TPRG1: variants seen among roughly 807,000 people sequenced by gnomAD.
The protein encoded by TPRG1 is tumor protein p63 regulated 1.
A neutral mutation model predicts 29.3 loss-of-function variants in TPRG1; 29 were observed. The ratio of observed to expected loss-of-function variants is 0.99; its 90% CI spans 0.74 to 1.35. The LOEUF (loss-of-function observed/expected upper bound fraction) is 1.35, where lower values mean the gene tolerates loss of function less well. TPRG1 is among the 40% of genes most tolerant of loss of function. The pLI, the probability that TPRG1 is intolerant of heterozygous loss-of-function variation, is 0.00. For synonymous variants in TPRG1, 130 were observed against 116.8 expected, an observed-to-expected ratio of 1.11 and a Z score of -0.73; for missense variants, 327 against 335.0, an observed-to-expected ratio of 0.98 and a Z score of 0.19.
chr3:189,229,294 C>CAAA (rs35836287), intron 3 of TPRG1, among the ~76,000 whole-genome samples: 38 of 146,996 alleles, frequency 2.6e-4, no homozygotes, highest in African/African-American at 8.7e-4. Flanking sequence ...GTGGAAAGAC[C>CAAA]AAAAAAAAAA....
At chr3:189,031,333 T>G (rs1256845102) in intron 4 of TPRG1, among the ~76,000 whole-genome samples, 1 of 151,708 alleles carries the variant, frequency 6.6e-6, no homozygotes, top group Non-Finnish European at 1.5e-5. Flanking sequence ...GAAAACCGTG[T>G]AAGGTTGAAA....
At chr3:189,034,940 T>C (rs978245083) in intron 4 of TPRG1, among the ~76,000 whole-genome samples, 5 of 152,268 alleles carry the variant, frequency 3.3e-5, no homozygotes, top group African/African-American at 1.2e-4. Flanking sequence ...AAAACTATTC[T>C]AAAATTTGTG....
At chr3:189,146,210 G>A (rs1380286111) in intron 3 of TPRG1, among the ~76,000 whole-genome samples, 1 of 152,182 alleles carries the variant, frequency 6.6e-6, no homozygotes, top group Non-Finnish European at 1.5e-5. Context: ...TTAAAGCTTT[G>A]TTTATGCATT....
intron 1 of TPRG1, among the ~76,000 whole-genome samples, chr3:189,192,003 G>C (rs1052824484): frequency 6.6e-6 from 1 of 152,174 alleles, no homozygotes; most frequent in Non-Finnish European, 1.5e-5. Flanking sequence ...AAGGCTTACA[G>C]ATTTTGTGGG....
intron 2 of TPRG1, among the ~76,000 whole-genome samples, chr3:189,208,469 G>C (rs1201586362): frequency 1.3e-5 from 2 of 152,094 alleles, no homozygotes; most frequent in Non-Finnish European, 2.9e-5. Flanking sequence ...TTGGGGCCAG[G>C]GTTTTGTGAC....
At chr3:189,288,489 C>T (rs1002412751) in intron 4 of TPRG1, among the ~76,000 whole-genome samples, 1 of 152,212 alleles carries the variant, frequency 6.6e-6, no homozygotes, top group Admixed American at 6.5e-5. Flanking sequence ...AGGTGCAAAC[C>T]TGATCAATAT....
chr3:189,149,349 T>C (rs1264433757), intron 4 of TPRG1, among the ~76,000 whole-genome samples: 1 of 152,216 alleles, frequency 6.6e-6, no homozygotes, highest in African/African-American at 2.4e-5. Flanking sequence ...GAGAAGTTGT[T>C]TGATCTTACT....
chr3:189,216,832 G>A (rs1736144482), intron 3 of TPRG1, among the ~76,000 whole-genome samples: 2 of 152,128 alleles, frequency 1.3e-5, no homozygotes, highest in Admixed American at 6.5e-5. Context: ...CATCCATTGT[G>A]ATATTTGACT....
At chr3:189,027,014 T>C (rs556677786) in intron 4 of TPRG1, among the ~76,000 whole-genome samples, 4 of 152,328 alleles carry the variant, frequency 2.6e-5, no homozygotes, top group African/African-American at 7.2e-5. Context: ...TAAAATGTGC[T>C]GATCAATGTG....
At chr3:189,169,534 G>A (rs1247603399), upstream of TPRG1, among the ~76,000 whole-genome samples, 3 of 152,162 alleles carry the variant, frequency 2.0e-5, no homozygotes, top group Non-Finnish European at 4.4e-5. Flanking sequence ...AGGCCAATCT[G>A]GTAAAAATTA....
At chr3:189,312,414 C>T (rs1339315404) in intron 5 of TPRG1, among the ~76,000 whole-genome samples, 1 of 150,524 alleles carries the variant, frequency 6.6e-6, no homozygotes. Flanking sequence ...CATTTTCCTG[C>T]TTTAAAGGAC....
intron 1 of TPRG1, among the ~76,000 whole-genome samples, chr3:189,100,594 G>A (rs1719077664): frequency 6.6e-6 from 1 of 152,192 alleles, no homozygotes; most frequent in Admixed American, 6.5e-5. Flanking sequence ...TTTGCAAATA[G>A]TAACTCGTTT....
At chr3:189,235,933 C>G (rs563283355) in intron 3 of TPRG1, among the ~76,000 whole-genome samples, 1 of 152,264 alleles carries the variant, frequency 6.6e-6, no homozygotes, top group African/African-American at 2.4e-5. Context: ...ATTCAAGGAC[C>G]TTGTAAACCT....
chr3:189,220,226 A>G (rs531492315), intron 3 of TPRG1, among the ~76,000 whole-genome samples: 2 of 152,152 alleles, frequency 1.3e-5, no homozygotes, highest in Non-Finnish European at 2.9e-5. Flanking sequence ...TAGGTCCTTT[A>G]GTTCATTAGA....
At chr3:189,139,386 C>T (rs1294870613) in intron 3 of TPRG1, among the ~76,000 whole-genome samples, 1 of 152,126 alleles carries the variant, frequency 6.6e-6, no homozygotes, top group African/African-American at 2.4e-5. Context: ...GGGAAGCTCT[C>T]CTCCATCACC....
intron 5 of TPRG1, among the ~76,000 whole-genome samples, chr3:189,311,792 T>C (rs1200321778): frequency 6.6e-6 from 1 of 152,056 alleles, no homozygotes; most frequent in Non-Finnish European, 1.5e-5. Flanking sequence ...AACCCAAGCC[T>C]CAGCATCAGC....
intron 4 of TPRG1, among the ~76,000 whole-genome samples, chr3:189,243,783 T>C (rs1333247676): frequency 6.6e-6 from 1 of 152,236 alleles, no homozygotes; most frequent in African/African-American, 2.4e-5. Flanking sequence ...AGAGGCACAG[T>C]GCAGCCAAGT....
chr3:189,310,676 T>C, intron 5 of TPRG1, 137 bp downstream of exon 5: 1 of 437,740 alleles, frequency 2.3e-6, no homozygotes. Flanking sequence ...AAACCAGCAA[T>C]TTATATAGAC....
chr3:189,017,206 T>G (rs1342027049), intron 3 of TPRG1, among the ~76,000 whole-genome samples: 1 of 916 alleles, frequency 1.1e-3, no homozygotes, highest in Non-Finnish European at 0.17. Flanking sequence ...TCTGAGATTC[T>G]TTTTTTTTTT....
Sources: gnomAD v4.1 joint callset for allele counts (sites outside exome capture counted in the v4.1 genomes callset) on GRCh38, gnomAD v4.1.1 for gene constraint, MANE v1.5 for transcripts, NCBI Gene and HGNC (gene_info 2026-07-23, HGNC 2026-07-21) for gene names.